Variants in ZBTB39 observed in about 807,000 individuals in gnomAD.
ZBTB39 encodes zinc finger and BTB domain-containing protein 39.
ZBTB39 carries 25 observed loss-of-function variants against 39.4 expected under a neutral mutation model. That is an observed-to-expected ratio of 0.63 (90% CI 0.46 to 0.89). The LOEUF (loss-of-function observed/expected upper bound fraction) is 0.89, where lower values mean the gene tolerates loss of function less well. Among genes scored for constraint, ZBTB39 ranks in the 40% least tolerant of loss-of-function variants. The probability of loss-of-function intolerance (pLI) is 0.00; values close to 1 mark genes in which losing one functional copy is unlikely to be tolerated. For missense variants in ZBTB39, 891 were observed against 909.7 expected (o/e 0.98, Z 0.26); for synonymous variants, 373 against 359.6 (o/e 1.04, Z -0.42).
rs891889853 is a variant in ZBTB39, at chr12:57,001,413, A to C, written c.*1366T>G. ...AGGGACTCCCAGAGCTCACCTGAGCAGGGTGAGGTAGTATGAGCTACTGAG... is the reference window on the plus strand; with the variant it reads ...AGGGACTCCCAGAGCTCACCTGAGCCGGGTGAGGTAGTATGAGCTACTGAG... On this transcript the variant is annotated 3_prime_UTR_variant, in exon 2 of 2. Transcript: ENST00000300101. 11 of 152,686 alleles carry C rather than the reference A, an allele frequency of 7.2e-5. No individual in the cohort carries two copies. The highest frequency in any genetic ancestry group is 2.7e-4 in the African/African-American group (11 of 41,448). 9.5% of individuals were successfully genotyped at this position (152,686 alleles called of 1,614,324 possible).
At position 57,006,520 on chromosome 12, in the gene ZBTB39, C is replaced by T. The variant is rs903327769; in HGVS notation, c.-160G>A. 6.9e-6 allele frequency: 1 copy of T among 145,980 alleles called. No homozygotes were observed. Among genetic ancestry groups the T allele is most frequent in the South Asian group, 2.0e-4 (1 of 4,920 alleles). 9.0% of individuals were successfully genotyped at this position (145,980 alleles called of 1,614,324 possible). A position where few individuals can be genotyped will look rare whatever the true frequency, so the allele number is the denominator to read the frequency against. The stretch of plus-strand genomic sequence containing the variant: ...CGCCGGCCGCGGCCAGACTCTCCAT[C>T]CGCCGCGCGGCTCGCCGCGACGGCC... On this transcript the variant is annotated 5_prime_UTR_variant, in exon 1 of 2. Transcript: ENST00000300101.
In ZBTB39 at chr12:57,002,922, A is replaced by T. The variant is rs1434481940; in HGVS notation, c.1996T>A (p.Cys666Ser). The T allele has an allele frequency of 1.2e-6, 2 of 1,614,144 alleles. No homozygotes were observed. The highest frequency in any genetic ancestry group is 1.7e-6 in the Non-Finnish European group (2 of 1,180,058). Residue 666 changes from cysteine (C) to serine (S), a missense_variant, in exon 2 of 2, where the codon TGT becomes AGT. Physicochemically the swap from Cys to Ser is moderately radical, Grantham distance 112. Transcript: ENST00000300101. ...SGALMYRCTV[C>S]GHYSSTLNLM... Reference sequence around the variant, plus strand: ...TTAAGGGTGGAACTGTAGTGCCCACAGACTGTGCAGCGGTACATGAGGGCC... The same window carrying T: ...TTAAGGGTGGAACTGTAGTGCCCACTGACTGTGCAGCGGTACATGAGGGCC...
In ZBTB39 at chr12:56,999,276, A is replaced by G. The variant is rs1263621442; in HGVS notation, c.*3503T>C. 2 of 152,146 alleles carry G rather than the reference A, an allele frequency of 1.3e-5. No homozygotes were observed. The highest frequency in any genetic ancestry group is 2.4e-5 in the African/African-American group (1 of 41,426). 9.4% of individuals were successfully genotyped at this position (152,146 alleles called of 1,614,324 possible). ...CAGATGGGTGCAGACCACCCCATAG[A>G]GCCCACTCCCATACCAATAAATACA... On this transcript the variant is annotated 3_prime_UTR_variant, in exon 2 of 2. Transcript: ENST00000300101.
chr12:56,999,494 C>T lies in ZBTB39; in HGVS notation c.*3285G>A, dbSNP rs1028164645. On this transcript the variant is annotated 3_prime_UTR_variant, in exon 2 of 2. Transcript: ENST00000300101. ...CAGAAAAGCAGAATATAAAAAAAAA[C>T]TTTTACCCATCTCCTGGTTCTTAGG... is the stretch of plus-strand genomic sequence containing the variant. The T allele has an allele frequency of 1.8e-4, 28 of 152,222 alleles. No homozygotes were observed. Among genetic ancestry groups the T allele is most frequent in the African/African-American group, 6.3e-4 (26 of 41,560 alleles). 9.4% of individuals were successfully genotyped at this position (152,222 alleles called of 1,614,324 possible). A position where few individuals can be genotyped will look rare whatever the true frequency, so the allele number is the denominator to read the frequency against.
chr12:57,005,174 A>G (rs1457644874), intron 1 of ZBTB39, among the ~76,000 whole-genome samples: 1 of 152,222 alleles, frequency 6.6e-6, no homozygotes, highest in African/African-American at 2.4e-5. Flanking sequence ...ACGACTGATG[A>G]CAATCTGATA....
At position 57,002,624 on chromosome 12, in the gene ZBTB39, T is replaced by A. The variant is rs1956216082; in HGVS notation, c.*155A>T. 1.4e-6 allele frequency: 1 copy of A among 696,110 alleles called. No individual in the cohort carries two copies. The highest frequency in any genetic ancestry group is 2.4e-6 in the Non-Finnish European group (1 of 420,302). 43.1% of individuals were successfully genotyped at this position (696,110 alleles called of 1,614,324 possible). ...TTCTCAACAACAGTAACAGCTTATG[T>A]GCTATTTCTTCTTCTTTTCTTCTTT... On this transcript the variant is annotated 3_prime_UTR_variant, in exon 2 of 2. Transcript: ENST00000300101.
rs1478675365 is a variant in ZBTB39 at position 57,003,242 on chromosome 12, T to C, written c.1676A>G (p.Gln559Arg). Reference sequence around the variant, plus strand: ...ATCAAGGCCACTGTTGCATTTGTGCTGGCTGACGTGGTAGCGATAGGCAGC... The same window carrying C: ...ATCAAGGCCACTGTTGCATTTGTGCCGGCTGACGTGGTAGCGATAGGCAGC... ...SEAAYRYHVS[Q>R]HKCNSGLDAR... Residue 559 changes from glutamine (Q) to arginine (R), a missense_variant, in exon 2 of 2, where the codon CAG (glutamine) becomes CGG (arginine). Gln to Arg is a conservative substitution (Grantham distance 43). Transcript: ENST00000300101. The surrounding 1 kb of genome is among the most constrained non-coding windows in gnomAD (Gnocchi z 4.8). 6.2e-7 allele frequency: 1 copy of C among 1,614,116 alleles called. No individual in the cohort carries two copies. Among genetic ancestry groups the C allele is most frequent in the African/African-American group, 1.3e-5 (1 of 74,954 alleles).
rs774038606 is a variant in ZBTB39, at chr12:57,002,877, C to G, written c.2041G>C (p.Gly681Arg). The change falls in exon 2 of 2, where the codon GGT (glycine) becomes CGT (arginine). Residue 681 changes from glycine to arginine, a missense_variant. By Grantham distance (125) the Gly-to-Arg change is moderately radical. Coordinates refer to ENST00000300101, the MANE Select transcript of ZBTB39 (RefSeq NM_014830.3). Reference protein sequence around the residue: ...STLNLMSKHVGVHKGSLPPDF... With the variant: ...STLNLMSKHVRVHKGSLPPDF... Reference sequence around the variant, plus strand: ...GGGGGGAGGCTGCCTTTGTGCACACCAACATGTTTGCTCATGAGGTTAAGG... The same window carrying G: ...GGGGGGAGGCTGCCTTTGTGCACACGAACATGTTTGCTCATGAGGTTAAGG... 5.0e-6 allele frequency: 8 copies of G among 1,614,154 alleles called. No individual in the cohort carries two copies. The highest frequency in any genetic ancestry group is 6.8e-6 in the Non-Finnish European group (8 of 1,180,034).
Position 57,002,352 on chromosome 12 carries a change from C to T in ZBTB39, c.*427G>A, listed in dbSNP as rs71461305. ...AAAATCTTTCTCATTGCTGGTCATC[C>T]CAGTTGGAGGCCTGCAGTAACACCC... On this transcript the variant is annotated 3_prime_UTR_variant, in exon 2 of 2. Coordinates refer to ENST00000300101, the MANE Select transcript of ZBTB39 (RefSeq NM_014830.3). 8,127 of 170,680 alleles carry T rather than the reference C, an allele frequency of 0.048. 312 individuals are homozygous for T. The highest frequency in any genetic ancestry group is 0.11 in the African/African-American group (4,485 of 41,958). 10.6% of individuals were successfully genotyped at this position (170,680 alleles called of 1,614,324 possible). A position where few individuals can be genotyped will look rare whatever the true frequency, so the allele number is the denominator to read the frequency against.
chr12:57,003,847 T>C lies in ZBTB39; in HGVS notation c.1071A>G (p.Gln357=), dbSNP rs1308848111. The change falls in exon 2 of 2, where the codon CAA becomes CAG. Residue 357 remains glutamine, a synonymous_variant. Coordinates refer to ENST00000300101, the MANE Select transcript of ZBTB39 (RefSeq NM_014830.3). This position sits in a 1 kb window ranked among gnomAD's most constrained non-coding sequence, Gnocchi z 4.8. Reference sequence around the variant, plus strand: ...GGTCCCGAGCATGCTGCCGGATCAGTTGAATGTTGGGCTCTAGAACTTTCT... The same window carrying C: ...GGTCCCGAGCATGCTGCCGGATCAGCTGAATGTTGGGCTCTAGAACTTTCT... ...VCKKVLEPNI[Q]LIRQHARDHV... 1.2e-6 allele frequency: 2 copies of C among 1,614,182 alleles called. No homozygotes were observed. The highest frequency in any genetic ancestry group is 1.7e-6 in the Non-Finnish European group (2 of 1,180,030).
rs1188280557 is a variant in ZBTB39, at chr12:57,002,005, CG to C, written c.*773del. On this transcript the variant is annotated 3_prime_UTR_variant, in exon 2 of 2. Coordinates refer to ENST00000300101, the MANE Select transcript of ZBTB39 (RefSeq NM_014830.3). ...CTGCCCCACAGAAGGCCGGACGTCC[CG>C]GGCCATCACTCCATAAAATCCTGTT... The C allele has an allele frequency of 1.3e-5, 2 of 152,544 alleles. No individual in the cohort carries two copies. Among genetic ancestry groups the C allele is most frequent in the African/African-American group, 4.8e-5 (2 of 41,394 alleles). 9.4% of individuals were successfully genotyped at this position (152,544 alleles called of 1,614,324 possible).
chr12:57,006,167 G>A (rs941810834), intron 1 of ZBTB39, among the ~76,000 whole-genome samples: 1 of 151,996 alleles, frequency 6.6e-6, no homozygotes, highest in African/African-American at 2.4e-5. Context: ...TGGAGGCAAC[G>A]AGCGCCTCAG....
chr12:57,003,828 G>A lies in ZBTB39; in HGVS notation c.1090C>T (p.Arg364Trp), dbSNP rs143767392. Residue 364 changes from arginine to tryptophan, a missense_variant, in exon 2 of 2, where the codon CGG becomes TGG. Coordinates refer to ENST00000300101, the MANE Select transcript of ZBTB39 (RefSeq NM_014830.3). The surrounding 1 kb of genome is among the most constrained non-coding windows in gnomAD (Gnocchi z 4.8). ...CCCGTCAGCAGGTCCACATGGTCCC[G>A]AGCATGCTGCCGGATCAGTTGAATG... Reference protein sequence around the residue: ...PNIQLIRQHARDHVDLLTGNC... With the variant: ...PNIQLIRQHAWDHVDLLTGNC... 2.5e-6 allele frequency: 4 copies of A among 1,614,062 alleles called. No homozygotes were observed. The highest frequency in any genetic ancestry group is 1.7e-6 in the Non-Finnish European group (2 of 1,180,042).
rs1009778239 is a variant in ZBTB39 at position 57,003,236 on chromosome 12, T to C, written c.1682A>G (p.Lys561Arg). 16 of 1,614,110 alleles carry C rather than the reference T, an allele frequency of 9.9e-6. No homozygotes were observed. In the African/African-American group the frequency reaches 2.1e-4, roughly 22 times the overall value. ...AAYRYHVSQHKCNSGLDARPG... is the reference protein window; with the variant it reads ...AAYRYHVSQHRCNSGLDARPG... The stretch of plus-strand genomic sequence containing the variant: ...CCGTGCATCAAGGCCACTGTTGCAT[T>C]TGTGCTGGCTGACGTGGTAGCGATA... The change falls in exon 2 of 2, where the codon AAA (lysine) becomes AGA (arginine). Residue 561 changes from lysine to arginine, a missense_variant. Transcript: ENST00000300101. This position sits in a 1 kb window ranked among gnomAD's most constrained non-coding sequence, Gnocchi z 4.8.
rs765940016 is a variant in ZBTB39, at chr12:57,003,390, A to G, written c.1528T>C (p.Cys510Arg). Reference sequence around the variant, plus strand: ...ACAAAGCTGTTCGCACAGACAGAACAGGAGAAGACTGAGATGCCGAGATGG... The same window carrying G: ...ACAAAGCTGTTCGCACAGACAGAACGGGAGAAGACTGAGATGCCGAGATGG... Reference protein sequence around the residue: ...LSHLGISVFSCSVCANSFVDW... With the variant: ...LSHLGISVFSRSVCANSFVDW... The change falls in exon 2 of 2, where the codon TGT becomes CGT. Residue 510 changes from cysteine (C) to arginine (R), a missense_variant. Physicochemically the swap from Cys to Arg is radical, Grantham distance 180. Coordinates refer to ENST00000300101, the MANE Select transcript of ZBTB39 (RefSeq NM_014830.3). The surrounding 1 kb of genome is among the most constrained non-coding windows in gnomAD (Gnocchi z 4.8). 1.2e-6 allele frequency: 2 copies of G among 1,614,222 alleles called. No homozygotes were observed. Among genetic ancestry groups the G allele is most frequent in the Non-Finnish European group, 1.7e-6 (2 of 1,180,014 alleles).
At position 57,002,876 on chromosome 12, in the gene ZBTB39, C is replaced by A. The variant is rs770738771; in HGVS notation, c.2042G>T (p.Gly681Val). The change falls in exon 2 of 2, where the codon GGT (glycine) becomes GTT (valine). Residue 681 changes from glycine to valine, a missense_variant. By Grantham distance (109) the Gly-to-Val change is moderately radical. Coordinates refer to ENST00000300101, the MANE Select transcript of ZBTB39 (RefSeq NM_014830.3). Reference sequence around the variant, plus strand: ...AGGGGGGAGGCTGCCTTTGTGCACACCAACATGTTTGCTCATGAGGTTAAG... The same window carrying A: ...AGGGGGGAGGCTGCCTTTGTGCACAACAACATGTTTGCTCATGAGGTTAAG... ...STLNLMSKHVGVHKGSLPPDF... is the reference protein window; with the variant it reads ...STLNLMSKHVVVHKGSLPPDF... The A allele has an allele frequency of 1.2e-6, 2 of 1,614,150 alleles. No homozygotes were observed.
Position 57,003,526 on chromosome 12 carries a change from G to A in ZBTB39, c.1392C>T (p.Phe464=), listed in dbSNP as rs267603593. The change falls in exon 2 of 2, where the codon TTC becomes TTT. Residue 464 remains phenylalanine (F), a synonymous_variant. Transcript: ENST00000300101. The surrounding 1 kb of genome is among the most constrained non-coding windows in gnomAD (Gnocchi z 4.8). The part of the protein sequence containing the change: ...AACGKVLAKD[F]HVVRGHILDH... ...CAAGGATGTGGCCCCGGACCACATG[G>A]AAATCTTTGGCCAATACTTTCCCAC... 6.2e-7 allele frequency: 1 copy of A among 1,614,082 alleles called. No homozygotes were observed. Among genetic ancestry groups the A allele is most frequent in the Non-Finnish European group, 8.5e-7 (1 of 1,179,930 alleles).
At chr12:57,005,259 A>T (rs1956238291) in intron 1 of ZBTB39, among the ~76,000 whole-genome samples, 1 of 152,228 alleles carries the variant, frequency 6.6e-6, no homozygotes, top group African/African-American at 2.4e-5. Context: ...TCATTACCAG[A>T]GCCACTGGAT....
Position 57,001,056 on chromosome 12 carries a change from T to C in ZBTB39, c.*1723A>G, listed in dbSNP as rs1956207305. 2 of 152,218 alleles carry C rather than the reference T, an allele frequency of 1.3e-5. No individual in the cohort carries two copies. The highest frequency in any genetic ancestry group is 2.9e-5 in the Non-Finnish European group (2 of 68,038). The allele number at this position is 152,218 out of a possible 1,614,324, so 9.4% of individuals were successfully genotyped here. ...CCGAACTTTATAGAACATACACCCA[T>C]GGCCTAAAGTGTTCCCTGGGTTTAT... On this transcript the variant is annotated 3_prime_UTR_variant, in exon 2 of 2. Coordinates refer to ENST00000300101, the MANE Select transcript of ZBTB39 (RefSeq NM_014830.3).
Sources: gnomAD v4.1 joint callset for allele counts (sites outside exome capture counted in the v4.1 genomes callset) on GRCh38, gnomAD v4.1.1 for gene constraint, Gnocchi (gnomAD v3.1) non-coding constraint, MANE v1.5 for transcripts, NCBI Gene and HGNC (gene_info 2026-07-23, HGNC 2026-07-21) for gene names.